ALK: variants seen among roughly 807,000 people sequenced by gnomAD.
ALK encodes the protein ALK receptor tyrosine kinase, also known as ALK tyrosine kinase receptor.
In ALK, 74 loss-of-function variants were observed where a neutral mutation model predicts 163.1. The observed-to-expected ratio is 0.45, with a 90% CI of 0.38 to 0.55. The LOEUF is 0.55. Ranked by LOEUF, ALK falls within the 20% of genes least tolerant of loss-of-function variation. The pLI, the probability that ALK is intolerant of heterozygous loss-of-function variation, is 0.00. For missense variants in ALK, 2,063 were observed against 2,105.3 expected (o/e 0.98, Z 0.39); for synonymous variants, 960 against 843.2 (o/e 1.14, Z -2.40).
At chr2:29,350,881 A>C (rs1337217334) in intron 5 of ALK, among the ~76,000 whole-genome samples, 3 of 152,220 alleles carry the variant, frequency 2.0e-5, no homozygotes, top group African/African-American at 7.2e-5. Context: ...TTTCTGCTAC[A>C]TGTGTATCTC....
At chr2:29,919,909 G>T in intron 1 of ALK, 84 bp downstream of exon 1, 3 of 1,507,890 alleles carry the variant, frequency 2.0e-6, no homozygotes, top group East Asian at 2.3e-5. Flanking sequence ...AGAAAGTGGG[G>T]TGGAAGTGAA....
intron 9 of ALK, among the ~76,000 whole-genome samples, chr2:29,288,602 A>AT (rs1665924433): frequency 6.6e-6 from 1 of 152,150 alleles, no homozygotes; most frequent in Non-Finnish European, 1.5e-5. Flanking sequence ...CATGGAAAAA[A>AT]TTTTTTGACC....
intron 4 of ALK, among the ~76,000 whole-genome samples, chr2:29,398,496 G>T (rs1228243532): frequency 6.6e-6 from 1 of 152,130 alleles, no homozygotes; most frequent in African/African-American, 2.4e-5. Flanking sequence ...TATAGCCACT[G>T]GTGAGCTGGC....
chr2:29,790,338 C>G (rs1246910643), intron 1 of ALK, among the ~76,000 whole-genome samples: 1 of 152,224 alleles, frequency 6.6e-6, no homozygotes. Flanking sequence ...AGAGCCATGT[C>G]TATGCAATCA....
rs1472935610 is a variant in ALK, at chr2:29,647,774, TC to T, written c.952+47075del. ...TCCATGCACCACGTTCATGATTTTTTCTTTTTTTTTTTTTTTTTTTGCCACA... is the reference window on the plus strand; with the variant it reads ...TCCATGCACCACGTTCATGATTTTTTTTTTTTTTTTTTTTTTTTTGCCACA... On this transcript the variant is annotated intron_variant, in intron 3 of 28. Coordinates refer to ENST00000389048, the MANE Select transcript of ALK (RefSeq NM_004304.5). 1.1e-4 allele frequency among the ~76,000 whole-genome samples: 11 copies of T among 98,804 alleles called. No individual in the cohort carries two copies. In the East Asian group the frequency reaches 2.5e-3, roughly 22 times the overall value. The allele number at this position is 98,804 out of a possible 152,430, so 64.8% of individuals were successfully genotyped here.
intron 3 of ALK, among the ~76,000 whole-genome samples, chr2:29,650,443 A>G (rs1262788218): frequency 1.3e-5 from 2 of 152,156 alleles, no homozygotes; most frequent in African/African-American, 4.8e-5. Context: ...GGAAAAGGGT[A>G]ACTCTCTTTA....
Position 29,532,043 on chromosome 2 carries a change from A to G in ALK, c.1026T>C (p.Ser342=), listed in dbSNP as rs958346511. 8 of 1,613,972 alleles carry G rather than the reference A, an allele frequency of 5.0e-6. No individual in the cohort carries two copies. In the Admixed American group the frequency reaches 5.0e-5, roughly 10 times the overall value. ...CCGAGACGGCCAGTGTGCAGTGCTC[A>G]CTGCTGCTCCTCATCCACGGACTCA... ...TILSPWMRSS[S]EHCTLAVSVH... The change falls in exon 4 of 29, where the codon AGT becomes AGC. Residue 342 remains serine, a synonymous_variant. Coordinates refer to ENST00000389048, the MANE Select transcript of ALK (RefSeq NM_004304.5).
At chr2:29,914,620 T>A (rs763361930) in intron 1 of ALK, among the ~76,000 whole-genome samples, 4 of 152,224 alleles carry the variant, frequency 2.6e-5, no homozygotes, top group Non-Finnish European at 4.4e-5. Context: ...ACTATTACTA[T>A]CCCCATTTAG....
intron 3 of ALK, among the ~76,000 whole-genome samples, chr2:29,586,492 A>G (rs554195766): frequency 6.6e-6 from 1 of 152,334 alleles, no homozygotes; most frequent in South Asian, 2.1e-4. Context: ...ATTTAACTAC[A>G]TTTAGTTAAA....
In ALK at chr2:29,726,250, G is replaced by A. The variant is rs147608153; in HGVS notation, c.668-8553C>T. On this transcript the variant is annotated intron_variant, in intron 1 of 28. Coordinates refer to ENST00000389048, the MANE Select transcript of ALK (RefSeq NM_004304.5). ...CATTTCTGTGGTTTGCTTGTACTCT[G>A]CTCTTTATGAAATTTACTCCACTGT... Among the ~76,000 whole-genome samples, 1,195 of 152,224 alleles carry A rather than the reference G, an allele frequency of 7.9e-3. 14 individuals are homozygous for A. Among genetic ancestry groups the A allele is most frequent in the South Asian group, 0.044 (212 of 4,810 alleles).
intron 4 of ALK, among the ~76,000 whole-genome samples, chr2:29,519,627 A>G (rs553775855): frequency 1.3e-5 from 2 of 152,224 alleles, no homozygotes; most frequent in Non-Finnish European, 2.9e-5. Context: ...ACAAGGTGGC[A>G]GAGGTTAAAC....
At chr2:29,354,588 TAGAGAGAGAGAG>T (rs6146695) in intron 5 of ALK, among the ~76,000 whole-genome samples, 2 of 149,414 alleles carry the variant, frequency 1.3e-5, no homozygotes, top group African/African-American at 4.9e-5. Context: ...GTCCCAGTTT[TAGAGAGAGAGAG>T]AGAGAGAGAG....
chr2:29,470,134 G>C (rs991715591), intron 4 of ALK, among the ~76,000 whole-genome samples: 1 of 151,926 alleles, frequency 6.6e-6, no homozygotes, highest in African/African-American at 2.4e-5. Context: ...TTAGACACAA[G>C]AGAACAGAAA....
intron 5 of ALK, among the ~76,000 whole-genome samples, chr2:29,361,950 G>A (rs1296107752): frequency 6.6e-6 from 1 of 152,096 alleles, no homozygotes; most frequent in Admixed American, 6.6e-5. Flanking sequence ...TGTTCCTCAT[G>A]AGCCATAGCA....
intron 4 of ALK, among the ~76,000 whole-genome samples, chr2:29,386,078 C>A (rs950566525): frequency 6.6e-6 from 1 of 152,190 alleles, no homozygotes; most frequent in Admixed American, 6.5e-5. Flanking sequence ...CGCCTAAGAC[C>A]ATCCACCATC....
chr2:29,834,907 A>G (rs56030325), intron 1 of ALK, among the ~76,000 whole-genome samples: 1 of 152,242 alleles, frequency 6.6e-6, no homozygotes, highest in African/African-American at 2.4e-5. Context: ...GGCAGGCAAA[A>G]TTCCATTTGC....
intron 3 of ALK, among the ~76,000 whole-genome samples, chr2:29,549,451 G>A (rs1352624898): frequency 6.6e-6 from 1 of 152,178 alleles, no homozygotes; most frequent in Non-Finnish European, 1.5e-5. Flanking sequence ...TGAAATAGAT[G>A]CTATCCCCAG....
intron 5 of ALK, among the ~76,000 whole-genome samples, chr2:29,364,754 C>T (rs1018217484): frequency 6.6e-6 from 1 of 152,116 alleles, no homozygotes; most frequent in Admixed American, 6.5e-5. Flanking sequence ...TTCATTTAGT[C>T]TTATTAATTA....
intron 1 of ALK, among the ~76,000 whole-genome samples, chr2:29,818,134 A>G (rs1043669644): frequency 6.6e-6 from 1 of 152,024 alleles, no homozygotes; most frequent in East Asian, 1.9e-4. Context: ...ATCTCCTATT[A>G]CTGTTTGCTT....
Sources: gnomAD v4.1 joint callset for allele counts (sites outside exome capture counted in the v4.1 genomes callset) on GRCh38, gnomAD v4.1.1 for gene constraint, MANE v1.5 for transcripts, NCBI Gene and HGNC (gene_info 2026-07-23, HGNC 2026-07-21) for gene names.